The following SLC25A48 variants were observed in gnomAD, a reference collection of about 807,000 sequenced individuals.
SLC25A48 encodes the protein solute carrier family 25 member 48, also known as CTC-321K16.1.
Under a neutral mutation model 32.2 loss-of-function variants are expected in SLC25A48, and 29 were observed. The observed-to-expected ratio is 0.90, with a 90% CI of 0.67 to 1.23. The LOEUF is 1.23. Among genes scored for constraint, SLC25A48 ranks in the 50% most tolerant of loss-of-function variants. The pLI, the probability that SLC25A48 is intolerant of heterozygous loss-of-function variation, is 0.00. For synonymous variants in SLC25A48, 164 were observed against 172.3 expected, an observed-to-expected ratio of 0.95 and a Z score of 0.38; for missense variants, 399 against 422.7, an observed-to-expected ratio of 0.94 and a Z score of 0.49.
At chr5:135,812,947 G>C (rs770864328) in intron 4 of SLC25A48, 1 of 152,568 alleles carries the variant, frequency 6.6e-6, no homozygotes, top group Non-Finnish European at 1.5e-5. Context: ...GCTGCAGGTG[G>C]AGAAGAGGCG....
At chr5:135,841,901 G>C (rs1390341879) in intron 1 of SLC25A48, among the ~76,000 whole-genome samples, 1 of 152,190 alleles carries the variant, frequency 6.6e-6, no homozygotes, top group Non-Finnish European at 1.5e-5. Flanking sequence ...CAGCCTTTCA[G>C]AAGTTATGAT....
chr5:135,817,021 G>C (rs1022978818), intron 4 of SLC25A48, among the ~76,000 whole-genome samples: 2 of 152,108 alleles, frequency 1.3e-5, no homozygotes, highest in African/African-American at 2.4e-5. Context: ...TGTTTATATT[G>C]TAAAAATATA....
intron 3 of SLC25A48, among the ~76,000 whole-genome samples, chr5:135,675,135 G>C (rs1362445153): frequency 1.3e-5 from 2 of 151,870 alleles, no homozygotes; most frequent in East Asian, 1.9e-4. Flanking sequence ...TCATATACCT[G>C]TTGTTCATTG....
At chr5:135,620,937 C>T (rs1160146303) in intron 1 of SLC25A48, among the ~76,000 whole-genome samples, 2 of 152,172 alleles carry the variant, frequency 1.3e-5, no homozygotes. Context: ...GGAGCCTCTC[C>T]AGACTCATGG....
intron 3 of SLC25A48, among the ~76,000 whole-genome samples, chr5:135,659,692 C>G (rs753314907): frequency 8.5e-5 from 13 of 152,188 alleles, no homozygotes; most frequent in Non-Finnish European, 1.5e-4. Context: ...AATTGGCTCA[C>G]AGTTCTGCAG....
intron 4 of SLC25A48, among the ~76,000 whole-genome samples, chr5:135,819,886 C>T (rs1757836029): frequency 6.6e-6 from 1 of 152,104 alleles, no homozygotes; most frequent in South Asian, 2.1e-4. Context: ...GGTATCTATA[C>T]ACCCACGAGA....
chr5:135,622,747 A>G (rs1377184438), intron 1 of SLC25A48, among the ~76,000 whole-genome samples: 1 of 152,264 alleles, frequency 6.6e-6, no homozygotes, highest in African/African-American at 2.4e-5. Flanking sequence ...TGTGCGATGT[A>G]CATGTATTAC....
rs143548783 is a variant in SLC25A48, at chr5:135,728,446, G to A, written c.-520-84077G>A. Reference sequence around the variant, plus strand: ...AAGTGAATATGATGACCCTTTTTCCGTGGTGATAGTTGTAATTTTAAATCA... The same window carrying A: ...AAGTGAATATGATGACCCTTTTTCCATGGTGATAGTTGTAATTTTAAATCA... On this transcript the variant is annotated intron_variant, in intron 3 of 10. Coordinates refer to the SLC25A48 transcript ENST00000646290. Among the ~76,000 whole-genome samples the A allele has an allele frequency of 3.4e-3, 519 of 152,038 alleles. 2 individuals are homozygous for A. The highest frequency in any genetic ancestry group is 0.012 in the African/African-American group (477 of 41,446).
intron 4 of SLC25A48, among the ~76,000 whole-genome samples, chr5:135,816,674 C>T (rs1757727387): frequency 1.3e-5 from 2 of 152,170 alleles, no homozygotes; most frequent in South Asian, 4.1e-4. Context: ...GGGACTTCTG[C>T]TTATAGTCAT....
At chr5:135,655,442 A>G (rs1580759265) in intron 3 of SLC25A48, among the ~76,000 whole-genome samples, 2 of 152,268 alleles carry the variant, frequency 1.3e-5, no homozygotes, top group East Asian at 3.9e-4. Flanking sequence ...CAGGCAGACC[A>G]CTCAGACAGT....
At chr5:135,882,062 G>A (rs897798472) in intron 7 of SLC25A48, among the ~76,000 whole-genome samples, 1 of 152,234 alleles carries the variant, frequency 6.6e-6, no homozygotes, top group Admixed American at 6.5e-5. Flanking sequence ...CGATTGTCCT[G>A]CATTTAGCCT....
chr5:135,803,030 G>A (rs1473165653), intron 3 of SLC25A48: 1 of 151,294 alleles, frequency 6.6e-6, no homozygotes, highest in African/African-American at 2.4e-5. Context: ...TAATAACCTA[G>A]AGAGCTATTA....
At chr5:135,612,155 A>C (rs1580722857) in intron 1 of SLC25A48, among the ~76,000 whole-genome samples, 2 of 152,384 alleles carry the variant, frequency 1.3e-5, no homozygotes, top group East Asian at 3.9e-4. Context: ...TAAGTTGGAC[A>C]AATTTTAAAA....
At chr5:135,807,794 A>T (rs1269178910) in intron 3 of SLC25A48, among the ~76,000 whole-genome samples, 1 of 148,212 alleles carries the variant, frequency 6.7e-6, no homozygotes, top group Non-Finnish European at 1.5e-5. Flanking sequence ...ATTAATAAAT[A>T]TCATAGGTAT....
At chr5:135,764,592 G>A (rs1384559004) in intron 3 of SLC25A48, among the ~76,000 whole-genome samples, 3 of 150,996 alleles carry the variant, frequency 2.0e-5, no homozygotes, top group East Asian at 2.0e-4. Context: ...CCCATATCTC[G>A]GGGAGTGTAC....
chr5:135,792,806 G>A (rs1757065213), intron 3 of SLC25A48, among the ~76,000 whole-genome samples: 1 of 151,486 alleles, frequency 6.6e-6, no homozygotes, highest in Non-Finnish European at 1.5e-5. Context: ...ATACTGAGAA[G>A]ATATTATTCC....
Position 135,723,380 on chromosome 5 carries a change from TCA to T in SLC25A48, c.-521+88457_-521+88458del, listed in dbSNP as rs138387748. 2.6e-3 allele frequency among the ~76,000 whole-genome samples: 287 copies of T among 111,738 alleles called. 1 individual carries two copies. In the Middle Eastern group the frequency reaches 0.029, roughly 11 times the overall value. 73.3% of individuals were successfully genotyped at this position (111,738 alleles called of 152,430 possible). A position where few individuals can be genotyped will look rare whatever the true frequency, so the allele number is the denominator to read the frequency against. On this transcript the variant is annotated intron_variant, in intron 3 of 10. Coordinates refer to the SLC25A48 transcript ENST00000646290. ...GTCTCTCACTCTCTCTCTCTCTCTC[TCA>T]CACACACACACACACACACACACAC...
chr5:135,760,689 T>C (rs1038849427), intron 3 of SLC25A48, among the ~76,000 whole-genome samples: 4 of 152,150 alleles, frequency 2.6e-5, no homozygotes, highest in African/African-American at 7.2e-5. Flanking sequence ...ACCCGGGAAA[T>C]TGAGCCGATT....
chr5:135,594,317 A>G (rs1335512719), intron 1 of SLC25A48, among the ~76,000 whole-genome samples: 2 of 152,248 alleles, frequency 1.3e-5, no homozygotes, highest in Non-Finnish European at 2.9e-5. Context: ...AAGTAGAACC[A>G]GAGGCTTGGT....
Sources: gnomAD v4.1 joint callset for allele counts (sites outside exome capture counted in the v4.1 genomes callset) on GRCh38, gnomAD v4.1.1 for gene constraint, MANE v1.5 for transcripts, NCBI Gene and HGNC (gene_info 2026-07-23, HGNC 2026-07-21) for gene names.